Variants in MCPH1 observed in about 807,000 individuals in gnomAD.
MCPH1 encodes microcephalin 1.
MCPH1 carries 104 observed loss-of-function variants against 84.5 expected under a neutral mutation model. The observed-to-expected ratio is 1.23, with a 90% CI of 1.05 to 1.45. MCPH1 has a LOEUF of 1.45. Among genes scored for constraint, MCPH1 ranks in the 40% most tolerant of loss-of-function variants. The probability of loss-of-function intolerance (pLI) is 0.00; values close to 1 mark genes in which losing one functional copy is unlikely to be tolerated. For missense variants in MCPH1, 1,498 were observed against 1,005.7 expected (o/e 1.49, Z -6.62); for synonymous variants, 514 against 366.8 (o/e 1.40, Z -4.58).
At chr8:6,485,252 A>C (rs900675643) in intron 11 of MCPH1, among the ~76,000 whole-genome samples, 1 of 151,662 alleles carries the variant, frequency 6.6e-6, no homozygotes, top group Non-Finnish European at 1.5e-5. Flanking sequence ...TTGAACTTGG[A>C]GGGAGGAGGT....
At chr8:6,490,693 T>A (rs565217033) in intron 11 of MCPH1, among the ~76,000 whole-genome samples, 1 of 152,336 alleles carries the variant, frequency 6.6e-6, no homozygotes, top group Non-Finnish European at 1.5e-5. Context: ...ATGAATTGAA[T>A]AGGAATTCCA....
intron 4 of MCPH1, among the ~76,000 whole-genome samples, chr8:6,435,063 G>C (rs1802444978): frequency 6.6e-6 from 1 of 152,156 alleles, no homozygotes. Flanking sequence ...GTTAACCCAA[G>C]ACCTTCCTGT....
At chr8:6,435,956 A>T (rs1345312528) in intron 4 of MCPH1, 92 bp from the exon 5 acceptor site, 1 of 1,467,348 alleles carries the variant, frequency 6.8e-7, no homozygotes, top group Admixed American at 2.1e-5. Flanking sequence ...TACTGATGTT[A>T]TAAAAGGTAT....
At chr8:6,423,371 T>G (rs542580777) in intron 3 of MCPH1, among the ~76,000 whole-genome samples, 1 of 151,378 alleles carries the variant, frequency 6.6e-6, no homozygotes, top group African/African-American at 2.4e-5. Context: ...TTCACCGTGT[T>G]AGCCAGGATG....
chr8:6,418,206 A>G (rs1021253217), intron 3 of MCPH1, among the ~76,000 whole-genome samples: 4 of 152,048 alleles, frequency 2.6e-5, no homozygotes, highest in African/African-American at 9.7e-5. Context: ...TCAGCGAGAA[A>G]GGAGGCCGGA....
chr8:6,472,457 C>A (rs973517033), intron 9 of MCPH1, among the ~76,000 whole-genome samples: 2 of 152,072 alleles, frequency 1.3e-5, no homozygotes, highest in African/African-American at 4.8e-5. Flanking sequence ...GAATCTTAGA[C>A]AGTTTTTTGT....
intron 1 of MCPH1, among the ~76,000 whole-genome samples, chr8:6,407,989 G>A (rs1017840395): frequency 4.6e-5 from 7 of 152,214 alleles, no homozygotes; most frequent in Admixed American, 4.6e-4. Context: ...CTATGGTTAT[G>A]TTTGTGCCAC....
intron 11 of MCPH1, among the ~76,000 whole-genome samples, chr8:6,495,345 A>G (rs1266879876): frequency 6.6e-6 from 1 of 152,182 alleles, no homozygotes; most frequent in Non-Finnish European, 1.5e-5. Flanking sequence ...CTTGTCATAA[A>G]TCTGTAAAAA....
rs896450842 is a variant in MCPH1 at position 6,608,462 on chromosome 8, A to G, written c.2215-12992A>G. 2.6e-5 allele frequency among the ~76,000 whole-genome samples: 4 copies of G among 152,276 alleles called. No individual in the cohort carries two copies. The East Asian group carries it at 5.8e-4, about 22-fold the overall frequency. On this transcript the variant is annotated intron_variant, in intron 12 of 13. Transcript: ENST00000344683. The stretch of plus-strand genomic sequence containing the variant: ...CCCTGATTTCTTGTCCTAACCTTCA[A>G]GCTTGTTAGAACAGGGACTCAGGGA...
rs1049648553 is a variant in MCPH1, at chr8:6,644,514, A to G, written c.*1465A>G. On this transcript the variant is annotated 3_prime_UTR_variant, in exon 14 of 14. Coordinates refer to ENST00000344683, the MANE Select transcript of MCPH1 (RefSeq NM_024596.5). ...AGTAAAGTTTCAGGATAGTAAATCC[A>G]TGTACAAAAATCAGCATTTCCAAAC... 2 of 152,202 alleles carry G rather than the reference A, an allele frequency of 1.3e-5. No individual in the cohort carries two copies. The highest frequency in any genetic ancestry group is 4.8e-5 in the African/African-American group (2 of 41,458). 9.4% of individuals were successfully genotyped at this position (152,202 alleles called of 1,614,324 possible). A position where few individuals can be genotyped will look rare whatever the true frequency, so the allele number is the denominator to read the frequency against.
intron 4 of MCPH1, among the ~76,000 whole-genome samples, chr8:6,435,060 C>G (rs1802444382): frequency 6.6e-6 from 1 of 152,108 alleles, no homozygotes; most frequent in South Asian, 2.1e-4. Context: ...AGAGTTAACC[C>G]AAGACCTTCC....
In MCPH1 at chr8:6,480,482, A is replaced by T. The variant is rs371450860; in HGVS notation, c.1974-232A>T. ...GCCCAGCCACTGTGGGAAGCCATTG[A>T]CAGCCTGTGGGCTTGTCTTCTCAGC... On this transcript the variant is annotated intron_variant, in intron 10 of 13. Transcript: ENST00000344683. Among the ~76,000 whole-genome samples the T allele has an allele frequency of 1.3e-3, 199 of 152,332 alleles. 2 individuals are homozygous for T. Among genetic ancestry groups the T allele is most frequent in the African/African-American group, 4.6e-3 (190 of 41,580 alleles).
At chr8:6,596,190 T>C (rs1335020376) in intron 12 of MCPH1, among the ~76,000 whole-genome samples, 2 of 152,152 alleles carry the variant, frequency 1.3e-5, no homozygotes, top group African/African-American at 4.8e-5. Context: ...GATCATTTTA[T>C]TGGGCTCCAG....
intron 12 of MCPH1, among the ~76,000 whole-genome samples, chr8:6,585,429 C>T (rs1219769222): frequency 6.6e-6 from 1 of 152,232 alleles, no homozygotes; most frequent in Non-Finnish European, 1.5e-5. Flanking sequence ...TGTCTGGGAG[C>T]CCCTTCCCGG....
rs1442904295 is a variant in MCPH1, at chr8:6,645,254, A to G, written c.*2205A>G. The G allele has an allele frequency of 6.6e-6, 1 of 152,128 alleles. No homozygotes were observed. The highest frequency in any genetic ancestry group is 1.5e-5 in the Non-Finnish European group (1 of 68,036). 9.4% of individuals were successfully genotyped at this position (152,128 alleles called of 1,614,324 possible). On this transcript the variant is annotated 3_prime_UTR_variant, in exon 14 of 14. Transcript: ENST00000344683. ...GCTGGCCTGCCAGTGGCCAGTCAAG[A>G]TTCTCTTTCTGAAAGCTAGTATTTT...
chr8:6,483,927 C>G (rs1292965438), intron 11 of MCPH1, among the ~76,000 whole-genome samples: 1 of 151,828 alleles, frequency 6.6e-6, no homozygotes, highest in Non-Finnish European at 1.5e-5. Flanking sequence ...CTTACACGAG[C>G]CACAAAAATT....
chr8:6,445,903 G>T, intron 8 of MCPH1: 1 of 1,005,740 alleles, frequency 9.9e-7, no homozygotes, highest in Non-Finnish European at 1.2e-6. Context: ...AGATGTATAC[G>T]ATAGAGAGTT....
At chr8:6,449,438 A>G (rs1453274195) in intron 8 of MCPH1, among the ~76,000 whole-genome samples, 2 of 152,160 alleles carry the variant, frequency 1.3e-5, no homozygotes, top group Admixed American at 1.3e-4. Flanking sequence ...GTTCAAGACC[A>G]ACCTGACCAA....
chr8:6,423,187 T>G (rs62504905), intron 3 of MCPH1, among the ~76,000 whole-genome samples: 1 of 135,154 alleles, frequency 7.4e-6, no homozygotes, highest in African/African-American at 3.0e-5. Context: ...TTTCTTTTCT[T>G]TTCTTTTTTT....
Sources: allele counts gnomAD v4.1 joint callset (sites outside exome capture counted in the v4.1 genomes callset), GRCh38; gene constraint gnomAD v4.1.1; transcripts MANE v1.5; gene names NCBI Gene and HGNC (gene_info 2026-07-23, HGNC 2026-07-21).